AQR: variants seen among roughly 807,000 people sequenced by gnomAD.
AQR encodes the protein RNA helicase aquarius.
Under a neutral mutation model 180.5 loss-of-function variants are expected in AQR, and 61 were observed. The ratio of observed to expected loss-of-function variants is 0.34; its 90% CI spans 0.28 to 0.42. The LOEUF (loss-of-function observed/expected upper bound fraction) is 0.42. Ranked by LOEUF, AQR falls within the 10% of genes least tolerant of loss-of-function variation. The probability of loss-of-function intolerance (pLI) is 1.00; values close to 1 mark genes in which losing one functional copy is unlikely to be tolerated. For synonymous variants in AQR, 551 were observed against 588.8 expected (o/e 0.94, Z 0.93); for missense variants, 1,281 against 1,798.3 (o/e 0.71, Z 5.20).
In AQR at chr15:34,927,063, A is replaced by C. The variant is rs1595799838; in HGVS notation, c.1090T>G (p.Ser364Ala). 1 of 1,593,088 alleles carries C rather than the reference A, an allele frequency of 6.3e-7. No homozygotes were observed. The highest frequency in any genetic ancestry group is 8.6e-7 in the Non-Finnish European group (1 of 1,169,586). ...AGAGGTCCAAAAAACTTGACCAAGGACTCCCGAGTATCTACTTCTGCCACA... is the reference window on the plus strand; with the variant it reads ...AGAGGTCCAAAAAACTTGACCAAGGCCTCCCGAGTATCTACTTCTGCCACA... ...SNVAEVDTRE[S>A]LVKFFGPLSS... Residue 364 changes from serine (S) to alanine (A), a missense_variant, in exon 13 of 35, where the codon TCC becomes GCC. Ser to Ala is a moderately conservative substitution (Grantham distance 99, BLOSUM62 1). Coordinates refer to ENST00000156471, the MANE Select transcript of AQR (RefSeq NM_014691.3).
At chr15:34,933,354 A>C (rs1893895909) in intron 10 of AQR, among the ~76,000 whole-genome samples, 1 of 152,194 alleles carries the variant, frequency 6.6e-6, no homozygotes, top group African/African-American at 2.4e-5. Flanking sequence ...TTTTCTTTCA[A>C]TTTCTCTCAT....
chr15:34,889,027 T>G (rs1239551378), intron 24 of AQR, among the ~76,000 whole-genome samples: 1 of 152,222 alleles, frequency 6.6e-6, no homozygotes, highest in Non-Finnish European at 1.5e-5. Flanking sequence ...CTACCCCTAT[T>G]CTAATATTCT....
intron 22 of AQR, among the ~76,000 whole-genome samples, chr15:34,894,186 A>G (rs980564813): frequency 1.3e-5 from 2 of 152,162 alleles, no homozygotes; most frequent in African/African-American, 2.4e-5. Context: ...AAGAAATCCA[A>G]GCCCAGATAT....
rs571998263 is a variant in AQR at position 34,905,908 on chromosome 15, G to C, written c.1831+637C>G. ...AAAAATTAGCCAGGCGCGGTGGCAGGCACCTGTAATCCCAGCTACTGGGGT... is the reference window on the plus strand; with the variant it reads ...AAAAATTAGCCAGGCGCGGTGGCAGCCACCTGTAATCCCAGCTACTGGGGT... On this transcript the variant is annotated intron_variant, in intron 18 of 34. Coordinates refer to ENST00000156471, the MANE Select transcript of AQR (RefSeq NM_014691.3). 5.3e-5 allele frequency among the ~76,000 whole-genome samples: 8 copies of C among 152,110 alleles called. No individual in the cohort carries two copies. In the South Asian group the frequency reaches 1.7e-3, roughly 32 times the overall value.
intron 11 of AQR, among the ~76,000 whole-genome samples, chr15:34,931,815 TAAACA>T (rs1446941779): frequency 1.3e-5 from 2 of 152,066 alleles, no homozygotes; most frequent in Non-Finnish European, 2.9e-5. Flanking sequence ...TGTGTCTCCA[TAAACA>T]AAACAAAACA....
In AQR at chr15:34,960,768, T is replaced by C. The variant is rs768414542; in HGVS notation, c.173+6A>G. 2 of 911,448 alleles carry C rather than the reference T, an allele frequency of 2.2e-6. No homozygotes were observed. The highest frequency in any genetic ancestry group is 3.4e-6 in the Non-Finnish European group (2 of 594,160). 56.5% of individuals were successfully genotyped at this position (911,448 alleles called of 1,614,324 possible). On this transcript the variant is annotated splice_donor_region_variant and intron_variant, in intron 3 of 34. Coordinates refer to ENST00000156471, the MANE Select transcript of AQR (RefSeq NM_014691.3). ...CACATTGTATAAAATTTAAATTCATTCCTACCTTGATTTGACAATCTCTTT... is the reference window on the plus strand; with the variant it reads ...CACATTGTATAAAATTTAAATTCATCCCTACCTTGATTTGACAATCTCTTT...
chr15:34,858,988 C>G (rs1267233005), intron 34 of AQR, among the ~76,000 whole-genome samples: 2 of 152,134 alleles, frequency 1.3e-5, no homozygotes, highest in Non-Finnish European at 2.9e-5. Context: ...TAGAAAAAAC[C>G]TTTATACCTC....
intron 13 of AQR, among the ~76,000 whole-genome samples, chr15:34,923,666 A>G (rs1893714143): frequency 6.6e-6 from 1 of 152,198 alleles, no homozygotes; most frequent in Non-Finnish European, 1.5e-5. Flanking sequence ...TAATTGTTTC[A>G]GCACCATTGA....
chr15:34,857,221 C>T, intron 34 of AQR, 115 bp from the exon 35 acceptor site: 1 of 915,076 alleles, frequency 1.1e-6, no homozygotes, highest in Non-Finnish European at 1.6e-6. Flanking sequence ...TTTTATACTC[C>T]AGATGTAACA....
chr15:34,929,650 T>G (rs1393183403), intron 12 of AQR, among the ~76,000 whole-genome samples: 1 of 152,108 alleles, frequency 6.6e-6, no homozygotes, highest in African/African-American at 2.4e-5. Flanking sequence ...AGAAGAGAGA[T>G]CTCTTAAGAG....
At chr15:34,919,721 A>C (rs115706752) in intron 14 of AQR, among the ~76,000 whole-genome samples, 2,571 of 152,074 alleles carry the variant, frequency 0.017, 72 homozygotes, top group African/African-American at 0.057. Context: ...ACGTGGCGAA[A>C]CTCTATCTTC....
At chr15:34,936,871 T>G (rs1448626560) in intron 9 of AQR, among the ~76,000 whole-genome samples, 1 of 152,118 alleles carries the variant, frequency 6.6e-6, no homozygotes, top group African/African-American at 2.4e-5. Context: ...ATATCAATTT[T>G]TATTACAGAC....
At chr15:34,921,936 G>A (rs950892885) in intron 13 of AQR, among the ~76,000 whole-genome samples, 3 of 151,898 alleles carry the variant, frequency 2.0e-5, no homozygotes, top group South Asian at 2.1e-4. Flanking sequence ...TCAGCCTCCC[G>A]AATAGGTGGA....
At chr15:34,877,042 T>C (rs1301413685) in intron 27 of AQR, among the ~76,000 whole-genome samples, 1 of 152,228 alleles carries the variant, frequency 6.6e-6, no homozygotes, top group Non-Finnish European at 1.5e-5. Context: ...TATTTACTTG[T>C]TTAATGTATC....
chr15:34,903,771 T>C (rs1893370120), intron 19 of AQR, among the ~76,000 whole-genome samples: 1 of 152,176 alleles, frequency 6.6e-6, no homozygotes, highest in Non-Finnish European at 1.5e-5. Flanking sequence ...TTTTATAATA[T>C]AGTTTCAAAT....
chr15:34,929,399 C>T lies in AQR; in HGVS notation c.1014+859G>A, dbSNP rs558717461. ...TAAGGAAGGGGTCCAGTTTCATTTT[C>T]TGCATGTGGCTAGCCTGTTTTCCCA... On this transcript the variant is annotated intron_variant, in intron 12 of 34. Transcript: ENST00000156471. 5.3e-5 allele frequency among the ~76,000 whole-genome samples: 8 copies of T among 152,266 alleles called. No homozygotes were observed. The South Asian group carries it at 1.7e-3, about 32-fold the overall frequency.
chr15:34,861,872 AG>A (rs1302057303), intron 33 of AQR, among the ~76,000 whole-genome samples: 1 of 151,934 alleles, frequency 6.6e-6, no homozygotes, highest in African/African-American at 2.4e-5. Flanking sequence ...GTTTTTTTTT[AG>A]TAGGGGTGGA....
chr15:34,888,507 C>A (rs1363043184), intron 24 of AQR, among the ~76,000 whole-genome samples: 1 of 151,840 alleles, frequency 6.6e-6, no homozygotes, highest in Non-Finnish European at 1.5e-5. Flanking sequence ...CCAGCCTGGG[C>A]AACATGGTGA....
chr15:34,967,207 T>C (rs973174075), intron 1 of AQR, among the ~76,000 whole-genome samples: 37 of 152,256 alleles, frequency 2.4e-4, no homozygotes, highest in African/African-American at 7.5e-4. Context: ...CCTGGCCTTC[T>C]TTACATTCAC....
Sources: allele counts gnomAD v4.1 joint callset (sites outside exome capture counted in the v4.1 genomes callset), GRCh38; gene constraint gnomAD v4.1.1; transcripts MANE v1.5; gene names NCBI Gene and HGNC (gene_info 2026-07-23, HGNC 2026-07-21).